Variants in PGCKA1 observed in about 807,000 individuals in gnomAD.
PGCKA1 encodes PDCD10 and GCKIII kinases-associated protein 1.
the PGCKA1 span, among the ~76,000 whole-genome samples, chr4:37,577,340 G>T: frequency 6.6e-6 from 1 of 151,990 alleles, no homozygotes; most frequent in African/African-American, 2.4e-5. Context: ...CTGTTTTCTA[G>T]ATTTTCCAGT....
At chr4:37,570,674 T>C in the PGCKA1 span, among the ~76,000 whole-genome samples, 62 of 152,230 alleles carry the variant, frequency 4.1e-4, no homozygotes, top group Non-Finnish European at 8.2e-4. Flanking sequence ...TCTCAAGCTG[T>C]GTTTTCTAAA....
At chr4:37,549,511 C>G in the PGCKA1 span, among the ~76,000 whole-genome samples, 29 of 152,312 alleles carry the variant, frequency 1.9e-4, no homozygotes, top group African/African-American at 6.7e-4. Context: ...TAAGCTAACT[C>G]TTAGGCAAAA....
At chr4:37,479,666 AC>A in the PGCKA1 span, among the ~76,000 whole-genome samples, 2 of 152,362 alleles carry the variant, frequency 1.3e-5, no homozygotes, top group African/African-American at 4.8e-5. Context: ...CAGCAGCAAC[AC>A]AGTGTGAGGT....
the PGCKA1 span, among the ~76,000 whole-genome samples, chr4:37,552,119 C>T: frequency 0.037 from 5,597 of 152,286 alleles, 148 homozygotes; most frequent in South Asian, 0.11. Flanking sequence ...CCTGGGCCTG[C>T]CTGGCCTAAA....
chr4:37,524,915 A>G, the PGCKA1 span, among the ~76,000 whole-genome samples: 1 of 152,168 alleles, frequency 6.6e-6, no homozygotes, highest in East Asian at 1.9e-4. Flanking sequence ...GGTACTAGAA[A>G]AGGGAAGGGA....
At chr4:37,531,766 C>T in the PGCKA1 span, among the ~76,000 whole-genome samples, 1 of 151,208 alleles carries the variant, frequency 6.6e-6, no homozygotes, top group African/African-American at 2.4e-5. Flanking sequence ...GTGGTGGGTG[C>T]CTGTAATCCC....
At chr4:37,562,316 TAAG>T in the PGCKA1 span, among the ~76,000 whole-genome samples, 1 of 152,322 alleles carries the variant, frequency 6.6e-6, no homozygotes, top group Admixed American at 6.5e-5. Flanking sequence ...ACCAGGTACA[TAAG>T]AAGGAATATG....
chr4:37,540,306 T>G, the PGCKA1 span, among the ~76,000 whole-genome samples: 1 of 152,210 alleles, frequency 6.6e-6, no homozygotes, highest in African/African-American at 2.4e-5. Context: ...CTTTAAGCAT[T>G]TGGAAAAGAC....
chr4:37,567,650 ATCTC>A, the PGCKA1 span, among the ~76,000 whole-genome samples: 7 of 150,926 alleles, frequency 4.6e-5, no homozygotes, highest in Non-Finnish European at 1.0e-4. Flanking sequence ...ACCAGAATCA[ATCTC>A]TCTCTCTCTC....
the PGCKA1 span, among the ~76,000 whole-genome samples, chr4:37,536,971 G>A: frequency 6.6e-6 from 1 of 152,180 alleles, no homozygotes; most frequent in Non-Finnish European, 1.5e-5. Context: ...GGCCAGCTTT[G>A]GGGCAGAGTG....
At chr4:37,467,163 G>A in the PGCKA1 span, among the ~76,000 whole-genome samples, 1 of 152,152 alleles carries the variant, frequency 6.6e-6, no homozygotes, top group Non-Finnish European at 1.5e-5. Context: ...TGAGATGTAT[G>A]TGTAATGACA....
the PGCKA1 span, among the ~76,000 whole-genome samples, chr4:37,470,548 T>C: frequency 2.0e-5 from 3 of 152,224 alleles, no homozygotes; most frequent in Non-Finnish European, 4.4e-5. Context: ...CTTTTCTTAT[T>C]AAATACTTGC....
At chr4:37,513,555 A>T in the PGCKA1 span, among the ~76,000 whole-genome samples, 1 of 152,138 alleles carries the variant, frequency 6.6e-6, no homozygotes, top group African/African-American at 2.4e-5. Flanking sequence ...TTATAACCTC[A>T]TTTAACCTTA....
At chr4:37,556,434 A>ACT in the PGCKA1 span, among the ~76,000 whole-genome samples, 3 of 136,360 alleles carry the variant, frequency 2.2e-5, no homozygotes, top group Non-Finnish European at 4.8e-5. Context: ...CACCAGGTTA[A>ACT]TTTTTTGTAT....
At chr4:37,575,134 T>G in the PGCKA1 span, among the ~76,000 whole-genome samples, 1 of 152,220 alleles carries the variant, frequency 6.6e-6, no homozygotes, top group Non-Finnish European at 1.5e-5. Flanking sequence ...GATTGCTGGA[T>G]CATATGGTAG....
chr4:37,495,314 A>C, the PGCKA1 span, among the ~76,000 whole-genome samples: 1 of 152,166 alleles, frequency 6.6e-6, no homozygotes, highest in Non-Finnish European at 1.5e-5. Context: ...CCATTGTAGA[A>C]GACAGTATGG....
the PGCKA1 span, among the ~76,000 whole-genome samples, chr4:37,583,067 T>G: frequency 3.9e-5 from 6 of 152,230 alleles, no homozygotes; most frequent in African/African-American, 1.4e-4. Flanking sequence ...TGTGGACTCA[T>G]AAGTCCTTGT....
At chr4:37,509,626 G>A in the PGCKA1 span, among the ~76,000 whole-genome samples, 2 of 151,494 alleles carry the variant, frequency 1.3e-5, no homozygotes, top group Non-Finnish European at 3.0e-5. Context: ...GGGAGGTGGA[G>A]GTTGTAGCGA....
chr4:37,476,164 G>T, the PGCKA1 span, among the ~76,000 whole-genome samples: 220 of 152,114 alleles, frequency 1.4e-3, no homozygotes, highest in African/African-American at 5.2e-3. Flanking sequence ...AAGAGAAACT[G>T]GTCTCGTTCT....
Sources: allele counts gnomAD v4.1 joint callset (sites outside exome capture counted in the v4.1 genomes callset), GRCh38; gene constraint gnomAD v4.1.1; transcripts MANE v1.5; gene names NCBI Gene and HGNC (gene_info 2026-07-23, HGNC 2026-07-21).